Variants in SLMAP observed in about 807,000 individuals in gnomAD.
The protein encoded by SLMAP is sarcolemmal membrane-associated protein.
In SLMAP, 44 loss-of-function variants were observed where a neutral mutation model predicts 128.8. The observed-to-expected ratio is 0.34, with a 90% CI of 0.27 to 0.44. The LOEUF (loss-of-function observed/expected upper bound fraction) is 0.44. Ranked by LOEUF, SLMAP falls within the 20% of genes least tolerant of loss-of-function variation. The probability of loss-of-function intolerance (pLI) is 1.00; values close to 1 mark genes in which losing one functional copy is unlikely to be tolerated. For synonymous variants in SLMAP, 327 were observed against 348.8 expected (o/e 0.94, Z 0.70); for missense variants, 787 against 985.3 (o/e 0.80, Z 2.69).
At chr3:57,863,198 A>G (rs191742768) in intron 10 of SLMAP, among the ~76,000 whole-genome samples, 119 of 152,220 alleles carry the variant, frequency 7.8e-4, no homozygotes, top group African/African-American at 2.4e-3. Context: ...CCCTCTATCT[A>G]TGAGACATCT....
intron 2 of SLMAP, among the ~76,000 whole-genome samples, chr3:57,823,554 A>C (rs563083902): frequency 1.8e-4 from 28 of 151,704 alleles, no homozygotes; most frequent in Admixed American, 3.9e-4. Context: ...TGAACTCATC[A>C]TTTTTTATCG....
At chr3:57,762,120 G>T (rs2078794931) in intron 2 of SLMAP, among the ~76,000 whole-genome samples, 1 of 150,976 alleles carries the variant, frequency 6.6e-6, no homozygotes, top group Non-Finnish European at 1.5e-5. Context: ...CTGTAATCCA[G>T]CACTTGGGGA....
At chr3:57,766,915 ATTTATT>A (rs1157322082) in intron 2 of SLMAP, among the ~76,000 whole-genome samples, 1 of 151,218 alleles carries the variant, frequency 6.6e-6, no homozygotes, top group African/African-American at 2.4e-5. Flanking sequence ...TTTTTTTTAA[ATTTATT>A]TTTATTTTTA....
chr3:57,903,192 A>G (rs370747265), intron 17 of SLMAP, among the ~76,000 whole-genome samples: 1 of 152,228 alleles, frequency 6.6e-6, no homozygotes, highest in Non-Finnish European at 1.5e-5. Context: ...CAGTTCAGAA[A>G]GAGTGGCAAA....
At chr3:57,835,938 A>C (rs2093619869) in intron 3 of SLMAP, among the ~76,000 whole-genome samples, 1 of 152,190 alleles carries the variant, frequency 6.6e-6, no homozygotes, top group South Asian at 2.1e-4. Context: ...ATACATGTGA[A>C]TGATAAATAG....
At chr3:57,881,300 G>A in intron 14 of SLMAP, among the ~76,000 whole-genome samples, 1 of 152,120 alleles carries the variant, frequency 6.6e-6, no homozygotes, top group East Asian at 1.9e-4. Context: ...ATCATGACAG[G>A]AAAATTCTTT....
chr3:57,865,086 A>G (rs566386724), intron 12 of SLMAP, among the ~76,000 whole-genome samples, 156 bp from the exon 13 acceptor site: 2 of 152,234 alleles, frequency 1.3e-5, no homozygotes, highest in South Asian at 2.1e-4. Context: ...CTACCTCGGG[A>G]TATTTAAATA....
intron 23 of SLMAP, among the ~76,000 whole-genome samples, chr3:57,924,943 G>GTTTTTTT (rs1559588580): frequency 6.7e-6 from 1 of 148,420 alleles, no homozygotes; most frequent in African/African-American, 2.5e-5. Context: ...AGTGTTTTTT[G>GTTTTTTT]TTTTTTGTTT....
chr3:57,852,067 C>T (rs1353025455), intron 6 of SLMAP, among the ~76,000 whole-genome samples: 5 of 152,080 alleles, frequency 3.3e-5, no homozygotes, highest in South Asian at 2.1e-4. Context: ...TGTGCCACCA[C>T]GCCTGGCTAA....
chr3:57,786,763 T>A (rs2084257859), intron 2 of SLMAP, among the ~76,000 whole-genome samples: 9 of 145,464 alleles, frequency 6.2e-5, no homozygotes, highest in South Asian at 2.2e-4. Context: ...AGTTGGAGTC[T>A]CGCTCTGTCG....
intron 2 of SLMAP, among the ~76,000 whole-genome samples, chr3:57,758,050 T>C (rs967269839): frequency 2.0e-5 from 3 of 152,140 alleles, no homozygotes; most frequent in Non-Finnish European, 4.4e-5. Flanking sequence ...GAGAAGGTAT[T>C]GTAATTAAAA....
intron 2 of SLMAP, among the ~76,000 whole-genome samples, chr3:57,803,077 T>A (rs1205907799): frequency 6.6e-6 from 1 of 152,188 alleles, no homozygotes; most frequent in Non-Finnish European, 1.5e-5. Context: ...TCAGAATTTA[T>A]TGGTAGATGA....
intron 21 of SLMAP, among the ~76,000 whole-genome samples, chr3:57,913,736 C>T (rs1377845334): frequency 3.3e-5 from 5 of 151,970 alleles, no homozygotes; most frequent in African/African-American, 9.7e-5. Context: ...GTGGGAGGAT[C>T]GCTTGAGCCT....
chr3:57,764,010 A>AT (rs2079173888), intron 2 of SLMAP, among the ~76,000 whole-genome samples: 1 of 152,128 alleles, frequency 6.6e-6, no homozygotes, highest in African/African-American at 2.4e-5. Context: ...TGTCTTTGTA[A>AT]TTAATTTTCA....
rs572786852 is a variant in SLMAP, at chr3:57,802,778, TC to T, written c.199-28603del. 2.2e-3 allele frequency among the ~76,000 whole-genome samples: 329 copies of T among 152,330 alleles called. 1 individual carries two copies. The highest frequency in any genetic ancestry group is 7.7e-3 in the African/African-American group (319 of 41,562). On this transcript the variant is annotated intron_variant, in intron 2 of 24. Coordinates refer to ENST00000671191, the MANE Select transcript of SLMAP (RefSeq NM_001377540.1). ...GTGTTTGATGGACATTCAGATTGCT[TC>T]CAGTTTTGGATTATTATGAACAGTA...
intron 14 of SLMAP, among the ~76,000 whole-genome samples, chr3:57,885,794 TTTTTTTTG>T (rs2095869652): frequency 1.1e-5 from 1 of 91,814 alleles, no homozygotes; most frequent in African/African-American, 3.6e-5. Flanking sequence ...TTTTTTTTTT[TTTTTTTTG>T]AGACAGAGTC....
rs563607508 is a variant in SLMAP, at chr3:57,917,513, C to G, written c.2310+436C>G. 3 of 180,182 alleles carry G rather than the reference C, an allele frequency of 1.7e-5. No homozygotes were observed. In the East Asian group the frequency reaches 4.5e-4, roughly 27 times the overall value. 11.2% of individuals were successfully genotyped at this position (180,182 alleles called of 1,614,324 possible). A position where few individuals can be genotyped will look rare whatever the true frequency, so the allele number is the denominator to read the frequency against. ...TTCACCTCATAGCCAGGCAGCCAGC[C>G]AAACACATGTTCTGTGGCCTTTTAC... On this transcript the variant is annotated intron_variant, in intron 22 of 24. Transcript: ENST00000671191.
intron 2 of SLMAP, among the ~76,000 whole-genome samples, chr3:57,783,421 A>G (rs919042840): frequency 2.0e-5 from 3 of 152,196 alleles, no homozygotes; most frequent in Admixed American, 2.0e-4. Context: ...TCCTTGCCCT[A>G]GGTCTTTATG....
intron 2 of SLMAP, among the ~76,000 whole-genome samples, chr3:57,824,927 C>CT (rs1249416828): frequency 2.0e-5 from 3 of 152,162 alleles, no homozygotes; most frequent in Non-Finnish European, 4.4e-5. Flanking sequence ...TCTTTAATAT[C>CT]TTTCAGCAAT....
Sources: gnomAD v4.1 joint callset for allele counts (sites outside exome capture counted in the v4.1 genomes callset) on GRCh38, gnomAD v4.1.1 for gene constraint, MANE v1.5 for transcripts, NCBI Gene and HGNC (gene_info 2026-07-23, HGNC 2026-07-21) for gene names.